Variants in ITPR2 observed in about 807,000 individuals in gnomAD.
ITPR2 encodes inositol 1,4,5-trisphosphate-gated calcium channel ITPR2.
Under a neutral mutation model 317.1 loss-of-function variants are expected in ITPR2, and 207 were observed. That is an observed-to-expected ratio of 0.65 (90% CI 0.58 to 0.73). The LOEUF is 0.73. Among genes scored for constraint, ITPR2 ranks in the 30% least tolerant of loss-of-function variants. The pLI is 0.00. For synonymous variants in ITPR2, 1,156 were observed against 1,149.1 expected, an observed-to-expected ratio of 1.01 and a Z score of -0.12; for missense variants, 2,613 against 3,284.0, an observed-to-expected ratio of 0.80 and a Z score of 4.99.
intron 9 of ITPR2, among the ~76,000 whole-genome samples, chr12:26,710,208 C>T (rs186889558): frequency 1.1e-3 from 174 of 152,304 alleles, no homozygotes; most frequent in Middle Eastern, 6.8e-3. Flanking sequence ...GGCAACAGGG[C>T]AAGAATCTGT....
rs1445994302 is a variant in ITPR2 at position 26,606,491 on chromosome 12, G to T, written c.3463-3785C>A. On this transcript the variant is annotated intron_variant, in intron 26 of 56. Transcript: ENST00000381340. ...TAGTCTAGAAATTGGGTGGCATCAG[G>T]GTTCTAGGCAGAGAAACAAAGAGTG... is the stretch of plus-strand genomic sequence containing the variant. Among the ~76,000 whole-genome samples, 7 of 150,134 alleles carry T rather than the reference G, an allele frequency of 4.7e-5. 1 individual carries two copies. In the South Asian group the frequency reaches 1.3e-3, roughly 27 times the overall value.
intron 45 of ITPR2, among the ~76,000 whole-genome samples, chr12:26,465,301 G>A (rs1029003254): frequency 2.6e-5 from 4 of 152,058 alleles, no homozygotes; most frequent in Admixed American, 6.5e-5. Flanking sequence ...CAAAAGATGC[G>A]GAATGGGGGC....
At chr12:26,567,485 T>C (rs966090691) in intron 34 of ITPR2, among the ~76,000 whole-genome samples, 4 of 152,130 alleles carry the variant, frequency 2.6e-5, no homozygotes, top group African/African-American at 9.7e-5. Flanking sequence ...AACTGTACAA[T>C]GAAAATTAGC....
At chr12:26,593,712 T>C (rs750730013) in intron 32 of ITPR2, among the ~76,000 whole-genome samples, 3 of 146,710 alleles carry the variant, frequency 2.0e-5, no homozygotes, top group African/African-American at 7.5e-5. Flanking sequence ...AATTAAGCAA[T>C]AGTTAAAATC....
chr12:26,413,224 G>A (rs529184314), intron 51 of ITPR2, among the ~76,000 whole-genome samples: 7 of 152,320 alleles, frequency 4.6e-5, no homozygotes, highest in African/African-American at 1.7e-4. Flanking sequence ...GGTCCTGCAG[G>A]CAGGATCTGC....
chr12:26,702,187 G>A (rs1948456258), intron 9 of ITPR2, among the ~76,000 whole-genome samples: 1 of 152,002 alleles, frequency 6.6e-6, no homozygotes, highest in Non-Finnish European at 1.5e-5. Context: ...GGACAGCTGT[G>A]TCAAAAATAT....
At chr12:26,676,211 T>C (rs1164353197) in intron 13 of ITPR2, among the ~76,000 whole-genome samples, 2 of 151,356 alleles carry the variant, frequency 1.3e-5, no homozygotes, top group Non-Finnish European at 2.9e-5. Context: ...GCATGGTGGC[T>C]CATACCTGTA....
intron 14 of ITPR2, among the ~76,000 whole-genome samples, chr12:26,664,785 C>T (rs1947585079): frequency 1.3e-5 from 2 of 151,930 alleles, no homozygotes; most frequent in Admixed American, 1.3e-4. Flanking sequence ...TCTTTGAAAT[C>T]AAATTTTTTA....
At chr12:26,648,118 T>C (rs938316933) in intron 21 of ITPR2, among the ~76,000 whole-genome samples, 1 of 152,132 alleles carries the variant, frequency 6.6e-6, no homozygotes, top group Non-Finnish European at 1.5e-5. Context: ...ATTGCCACTT[T>C]CCAAGCCAGC....
chr12:26,566,057 G>A (rs1591907765), intron 34 of ITPR2, among the ~76,000 whole-genome samples: 1 of 136,850 alleles, frequency 7.3e-6, no homozygotes, highest in Non-Finnish European at 1.6e-5. Context: ...AGATGGAGAG[G>A]AGAAGGAGAG....
chr12:26,671,607 A>G (rs1291611453), intron 13 of ITPR2, among the ~76,000 whole-genome samples: 1 of 152,234 alleles, frequency 6.6e-6, no homozygotes, highest in African/African-American at 2.4e-5. Context: ...GTCAAAATGT[A>G]AAGACCATCG....
chr12:26,800,063 C>A (rs554295525), intron 1 of ITPR2, among the ~76,000 whole-genome samples: 1 of 152,278 alleles, frequency 6.6e-6, no homozygotes, highest in East Asian at 1.9e-4. Flanking sequence ...AAAGGCCATA[C>A]AAATCAGAAA....
intron 46 of ITPR2, among the ~76,000 whole-genome samples, chr12:26,441,186 C>T (rs1019020480): frequency 3.9e-5 from 6 of 152,116 alleles, no homozygotes; most frequent in Non-Finnish European, 8.8e-5. Context: ...CATTCAAAAT[C>T]GGATCAGTTT....
chr12:26,452,230 T>C (rs952733024), intron 45 of ITPR2, among the ~76,000 whole-genome samples: 24 of 151,892 alleles, frequency 1.6e-4, no homozygotes, highest in African/African-American at 5.8e-4. Flanking sequence ...TGGATTCCCT[T>C]CTGAAAATCC....
At chr12:26,680,975 T>C (rs185697929) in intron 13 of ITPR2, among the ~76,000 whole-genome samples, 20 of 152,310 alleles carry the variant, frequency 1.3e-4, no homozygotes, top group African/African-American at 4.6e-4. Flanking sequence ...GGTGCATACA[T>C]CAATTATCAT....
chr12:26,466,211 C>T (rs1414714869), intron 45 of ITPR2, among the ~76,000 whole-genome samples: 1 of 152,050 alleles, frequency 6.6e-6, no homozygotes, highest in African/African-American at 2.4e-5. Context: ...TCCCTGAGGA[C>T]CAAAAAACAG....
intron 2 of ITPR2, among the ~76,000 whole-genome samples, chr12:26,762,507 C>T (rs1400290134): frequency 6.6e-6 from 1 of 151,952 alleles, no homozygotes; most frequent in Non-Finnish European, 1.5e-5. Context: ...AAGGACTTTC[C>T]CAGAAAAATA....
chr12:26,577,443 T>G (rs56169423), intron 34 of ITPR2, among the ~76,000 whole-genome samples: 18,838 of 152,304 alleles, frequency 0.12, 1,480 homozygotes, highest in Non-Finnish European at 0.17. Context: ...TTTCTCTATT[T>G]ATTAAAATAT....
At chr12:26,399,187 C>T (rs1356371417) in intron 53 of ITPR2, 146 bp from the exon 54 acceptor site, 8 of 584,482 alleles carry the variant, frequency 1.4e-5, no homozygotes, top group African/African-American at 1.2e-4. Context: ...TCCATCTCTA[C>T]TTTAAGTGTT....
Sources: allele counts gnomAD v4.1 joint callset (sites outside exome capture counted in the v4.1 genomes callset), GRCh38; gene constraint gnomAD v4.1.1; transcripts MANE v1.5; gene names NCBI Gene and HGNC (gene_info 2026-07-23, HGNC 2026-07-21).